The following TCF20 variants were observed in gnomAD, a reference collection of about 807,000 sequenced individuals.
TCF20 encodes the protein SPRE-binding protein.
TCF20 carries 3 observed loss-of-function variants against 148.6 expected under a neutral mutation model. The observed-to-expected ratio is 0.02, with a 90% CI of 0.01 to 0.05. TCF20 has a LOEUF of 0.05. Ranked by LOEUF, TCF20 falls within the 10% of genes least tolerant of loss-of-function variation. TCF20 has a pLI of 1.00. For synonymous variants in TCF20, 1,049 were observed against 909.5 expected, an observed-to-expected ratio of 1.15 and a Z score of -2.76; for missense variants, 2,350 against 2,429.3, an observed-to-expected ratio of 0.97 and a Z score of 0.69.
intron 1 of TCF20, among the ~76,000 whole-genome samples, chr22:42,266,272 TC>T (rs1926282334): frequency 6.6e-6 from 1 of 152,154 alleles, no homozygotes; most frequent in Non-Finnish European, 1.5e-5. Flanking sequence ...GGAAAGGTCA[TC>T]TATCTCTAAG....
At chr22:42,310,749 A>G (rs548330131) in intron 1 of TCF20, among the ~76,000 whole-genome samples, 20 of 152,124 alleles carry the variant, frequency 1.3e-4, no homozygotes, top group African/African-American at 4.8e-4. Flanking sequence ...CTGAGTCTGG[A>G]AAGTTGCAAA....
At chr22:42,309,520 G>A (rs571196711) in intron 1 of TCF20, among the ~76,000 whole-genome samples, 104 of 120,328 alleles carry the variant, frequency 8.6e-4, no homozygotes, top group African/African-American at 3.2e-3. Flanking sequence ...CCTCGCCCCC[G>A]CTGCCCCAGG....
chr22:42,329,603 G>A (rs1927934261), intron 1 of TCF20, among the ~76,000 whole-genome samples: 2 of 152,350 alleles, frequency 1.3e-5, no homozygotes, highest in East Asian at 1.9e-4. Context: ...GAGGGGAGGT[G>A]GGGTCAGGAT....
chr22:42,311,017 T>A (rs536224758), intron 1 of TCF20, among the ~76,000 whole-genome samples: 30 of 152,290 alleles, frequency 2.0e-4, no homozygotes, highest in Non-Finnish European at 1.5e-5. Flanking sequence ...GGAGGAACAC[T>A]TAGGAACCGT....
Position 42,173,753 on chromosome 22 carries a change from A to G in TCF20, c.5750-3857T>C, listed in dbSNP as rs531374062. Among the ~76,000 whole-genome samples the G allele has an allele frequency of 3.3e-3, 503 of 152,302 alleles. 4 individuals are homozygous for G. Among genetic ancestry groups the G allele is most frequent in the African/African-American group, 0.012 (490 of 41,558 alleles). On this transcript the variant is annotated intron_variant, in intron 3 of 5. Coordinates refer to ENST00000677622, the MANE Select transcript of TCF20 (RefSeq NM_001378418.1). ...TGACTTGGGTCATCAAAAAGACCGC[A>G]ATGACCAAGACATGGTCATCTTGTG...
At chr22:42,225,161 A>C (rs1389052150) in intron 1 of TCF20, among the ~76,000 whole-genome samples, 28 of 151,926 alleles carry the variant, frequency 1.8e-4, no homozygotes. Context: ...ACGTCCGGCT[A>C]ATTTTTGTAT....
chr22:42,307,286 C>A (rs759206203), intron 1 of TCF20, among the ~76,000 whole-genome samples: 3 of 152,168 alleles, frequency 2.0e-5, no homozygotes, highest in Admixed American at 6.5e-5. Flanking sequence ...GAGGGTGGGA[C>A]CTTGTCTGGT....
intron 2 of TCF20, among the ~76,000 whole-genome samples, chr22:42,195,161 T>G (rs1937526900): frequency 6.7e-6 from 1 of 148,790 alleles, no homozygotes; most frequent in South Asian, 2.2e-4. Context: ...GATTCAGGAG[T>G]TGTGTTTTTC....
rs981554491 is a variant in TCF20, at chr22:42,292,991, A to G, written c.-37+50488T>C. On this transcript the variant is annotated intron_variant, in intron 1 of 1. Coordinates refer to the TCF20 transcript ENST00000515426. The surrounding 1 kb of genome is among the most constrained non-coding windows in gnomAD (Gnocchi z 4.9). ...GCTGGGCCTCATAGGCAGGGCAGAA[A>G]GGCCAGGGAGTGGGGCCCAGCTCTG... is the stretch of plus-strand genomic sequence containing the variant. Among the ~76,000 whole-genome samples, 1 of 151,748 alleles carries G rather than the reference A, an allele frequency of 6.6e-6. No homozygotes were observed. The highest frequency in any genetic ancestry group is 1.5e-5 in the Non-Finnish European group (1 of 67,938).
chr22:42,208,693 G>A (rs1569141074), intron 2 of TCF20, among the ~76,000 whole-genome samples: 1 of 152,040 alleles, frequency 6.6e-6, no homozygotes, highest in Non-Finnish European at 1.5e-5. Context: ...AAGATAATGA[G>A]ATAAAACATA....
intron 1 of TCF20, among the ~76,000 whole-genome samples, chr22:42,236,814 T>G (rs1923932416): frequency 1.3e-5 from 2 of 152,206 alleles, no homozygotes; most frequent in Admixed American, 6.5e-5. Context: ...CATATTAACT[T>G]TTATATGTGT....
At position 42,338,108 on chromosome 22, in the gene TCF20, C is replaced by A. The variant is rs1928097467; in HGVS notation, c.-37+5371G>T. ...GTCCCAGGAAGAAAACCCTCTGGGC[C>A]CAGGTCCTACTCTGTACACAACTCC... On this transcript the variant is annotated intron_variant, in intron 1 of 1. Transcript: ENST00000515426. The surrounding 1 kb of genome is among the most constrained non-coding windows in gnomAD (Gnocchi z 4.0). Among the ~76,000 whole-genome samples, 1 of 152,210 alleles carries A rather than the reference C, an allele frequency of 6.6e-6. No individual in the cohort carries two copies. The highest frequency in any genetic ancestry group is 1.5e-5 in the Non-Finnish European group (1 of 68,036).
At chr22:42,232,443 G>C (rs1923504864) in intron 1 of TCF20, among the ~76,000 whole-genome samples, 1 of 152,058 alleles carries the variant, frequency 6.6e-6, no homozygotes, top group African/African-American at 2.4e-5. Context: ...AGGTGCCAGA[G>C]ATGAAAATTA....
chr22:42,208,525 C>T (rs985364688), intron 2 of TCF20, among the ~76,000 whole-genome samples: 48 of 152,182 alleles, frequency 3.2e-4, no homozygotes, highest in Non-Finnish European at 4.3e-4. Flanking sequence ...TACCAGGGAG[C>T]CCCAGAGTTC....
intron 1 of TCF20, among the ~76,000 whole-genome samples, chr22:42,238,944 TG>T (rs1233435966): frequency 6.6e-5 from 10 of 150,576 alleles, no homozygotes; most frequent in African/African-American, 2.0e-4. Context: ...GGTGAAACCC[TG>T]TCTCTACTAA....
intron 3 of TCF20, among the ~76,000 whole-genome samples, chr22:42,178,013 G>C (rs1936547865): frequency 6.6e-6 from 1 of 152,120 alleles, no homozygotes; most frequent in Non-Finnish European, 1.5e-5. Context: ...AGGACAGAGG[G>C]GGTGAAGATT....
intron 1 of TCF20, among the ~76,000 whole-genome samples, chr22:42,257,728 G>C (rs1925818253): frequency 6.6e-6 from 1 of 152,220 alleles, no homozygotes; most frequent in South Asian, 2.1e-4. Context: ...AGATAAGAGA[G>C]ATGATGAGCT....
intron 1 of TCF20, among the ~76,000 whole-genome samples, chr22:42,244,810 T>G (rs1385398211): frequency 6.6e-6 from 1 of 152,198 alleles, no homozygotes; most frequent in Non-Finnish European, 1.5e-5. Context: ...CTGGGCGCAG[T>G]GGCTCACACC....
intron 1 of TCF20, among the ~76,000 whole-genome samples, chr22:42,249,444 CTTACT>C (rs1230962362): frequency 1.3e-5 from 2 of 152,242 alleles, no homozygotes; most frequent in Admixed American, 6.5e-5. Flanking sequence ...ATCAGTTCTT[CTTACT>C]TTATTCTTTA....
Sources: allele counts gnomAD v4.1 joint callset (sites outside exome capture counted in the v4.1 genomes callset), GRCh38; gene constraint gnomAD v4.1.1; non-coding constraint Gnocchi (gnomAD v3.1); transcripts MANE v1.5; gene names NCBI Gene and HGNC (gene_info 2026-07-23, HGNC 2026-07-21).